DST: variants seen among roughly 807,000 people sequenced by gnomAD.
The protein encoded by DST is bullous pemphigoid antigen.
In DST, 253 loss-of-function variants were observed where a neutral mutation model predicts 875.2. The ratio of observed to expected loss-of-function variants is 0.29; its 90% CI spans 0.26 to 0.32. The LOEUF (loss-of-function observed/expected upper bound fraction) is 0.32. Ranked by LOEUF, DST falls within the 10% of genes least tolerant of loss-of-function variation. The pLI is 1.00. For synonymous variants in DST, 3,124 were observed against 3,197.1 expected (o/e 0.98, Z 0.77); for missense variants, 8,287 against 9,111.6 (o/e 0.91, Z 3.68).
chr6:56,476,128 T>G, intron 92 of DST, 21 bp downstream of exon 92: 3 of 1,565,216 alleles, frequency 1.9e-6, no homozygotes, highest in Non-Finnish European at 1.7e-6. Context: ...TTAACAGGAG[T>G]TAGGATTATA....
intron 44 of DST, 50 bp downstream of exon 44, chr6:56,601,393 T>G: frequency 7.9e-7 from 1 of 1,258,498 alleles, no homozygotes; most frequent in Non-Finnish European, 1.1e-6. Context: ...ATCTACATTA[T>G]GGTTTCACAC....
chr6:56,777,807 C>T (rs2099682124), intron 4 of DST, among the ~76,000 whole-genome samples: 2 of 151,862 alleles, frequency 1.3e-5, no homozygotes, highest in Admixed American at 1.3e-4. Flanking sequence ...AAGCCATCCT[C>T]CCACCTCACT....
chr6:56,768,862 A>T (rs2099641583), intron 4 of DST, among the ~76,000 whole-genome samples: 1 of 152,100 alleles, frequency 6.6e-6, no homozygotes, highest in Non-Finnish European at 1.5e-5. Flanking sequence ...AGAGGTCAGG[A>T]GATCAAGACC....
At chr6:56,867,560 G>A (rs1427067900) in intron 3 of DST, among the ~76,000 whole-genome samples, 1 of 152,198 alleles carries the variant, frequency 6.6e-6, no homozygotes, top group Non-Finnish European at 1.5e-5. Context: ...GGAGGCTCAT[G>A]CCTGTAATCC....
chr6:56,786,651 G>T (rs1367206808), intron 4 of DST, among the ~76,000 whole-genome samples: 8 of 152,158 alleles, frequency 5.3e-5, no homozygotes, highest in Non-Finnish European at 5.9e-5. Flanking sequence ...TCTTGCCTCA[G>T]CCTCCCAAGT....
intron 4 of DST, among the ~76,000 whole-genome samples, chr6:56,749,387 GC>G (rs2099581271): frequency 6.6e-6 from 1 of 152,032 alleles, no homozygotes; most frequent in East Asian, 1.9e-4. Flanking sequence ...GGGAGCTCTT[GC>G]CTTTCTCTGA....
chr6:56,615,359 C>A, intron 36 of DST: 1 of 1,473,860 alleles, frequency 6.8e-7, no homozygotes. Context: ...CAATTTAAAA[C>A]TTACTCTATT....
chr6:56,730,048 G>C (rs1174769293), intron 5 of DST, among the ~76,000 whole-genome samples: 1 of 151,954 alleles, frequency 6.6e-6, no homozygotes, highest in Non-Finnish European at 1.5e-5. Context: ...TTTACAAAAA[G>C]AAAAAATATT....
At chr6:56,879,344 G>A (rs750125966) in intron 3 of DST, among the ~76,000 whole-genome samples, 1 of 152,094 alleles carries the variant, frequency 6.6e-6, no homozygotes, top group African/African-American at 2.4e-5. Flanking sequence ...GGTGGCAGGC[G>A]CCTGTAGTCC....
At chr6:56,470,308 T>A (rs1453483524) in intron 95 of DST, 26 bp from the exon 96 acceptor site, 1 of 1,556,204 alleles carries the variant, frequency 6.4e-7, no homozygotes. Flanking sequence ...CAATGGTAAG[T>A]AGTGACTTGT....
At chr6:56,737,443 C>T (rs1366516761) in intron 4 of DST, among the ~76,000 whole-genome samples, 1 of 152,172 alleles carries the variant, frequency 6.6e-6, no homozygotes, top group Non-Finnish European at 1.5e-5. Flanking sequence ...GTCACATACA[C>T]CTATTTAAGT....
chr6:56,794,723 A>C (rs1374734465), intron 4 of DST, among the ~76,000 whole-genome samples: 1 of 152,210 alleles, frequency 6.6e-6, no homozygotes, highest in Non-Finnish European at 1.5e-5. Flanking sequence ...CAGGGGCTCT[A>C]ATCAGCATGA....
Position 56,604,286 on chromosome 6 carries a change from T to C in DST, c.10342A>G (p.Ile3448Val). 6.2e-7 allele frequency: 1 copy of C among 1,612,156 alleles called. No homozygotes were observed. The highest frequency in any genetic ancestry group is 8.5e-7 in the Non-Finnish European group (1 of 1,178,974). ...GNLKSELLLN[I>V]LKQDQHSQKI... ...TGGCTATGTTGATCTTGCTTCAATA[T>C]ATTAAGGAGAAGCTCAGACTTAAGA... The change falls in exon 40 of 104, where the codon ATA becomes GTA. Residue 3448 changes from isoleucine to valine, a missense_variant. Coordinates refer to ENST00000680361, the MANE Select transcript of DST (RefSeq NM_001374736.1).
At chr6:56,784,623 C>T (rs535439138) in intron 4 of DST, among the ~76,000 whole-genome samples, 3 of 152,282 alleles carry the variant, frequency 2.0e-5, no homozygotes, top group East Asian at 1.9e-4. Context: ...GTTATATATT[C>T]GTCTAAAGTT....
intron 49 of DST, among the ~76,000 whole-genome samples, chr6:56,582,499 A>G (rs967755445): frequency 9.9e-5 from 15 of 152,108 alleles, no homozygotes; most frequent in African/African-American, 3.6e-4. Flanking sequence ...AGGCTTCCCC[A>G]GAAGCTGAGT....
chr6:56,529,026 T>C (rs1047716534), intron 66 of DST, 101 bp from the exon 67 acceptor site: 10 of 779,018 alleles, frequency 1.3e-5, no homozygotes, highest in African/African-American at 1.0e-4. Flanking sequence ...CACAGAGACA[T>C]ATTTGAGTAA....
rs750497278 is a variant in DST, at chr6:56,636,343, T to C, written c.3060+214A>G. Among the ~76,000 whole-genome samples the C allele has an allele frequency of 4.6e-5, 7 of 150,588 alleles. 1 individual carries two copies. The highest frequency in any genetic ancestry group is 1.0e-4 in the Non-Finnish European group (7 of 67,622). On this transcript the variant is annotated intron_variant, in intron 23 of 103. Transcript: ENST00000680361. ...GTATATATGTGTATATATGTATATG[T>C]ATGTGTATATATATGTGTGTGTATA...
intron 5 of DST, among the ~76,000 whole-genome samples, chr6:56,715,342 A>G (rs2099391122): frequency 6.6e-6 from 1 of 152,246 alleles, no homozygotes; most frequent in Non-Finnish European, 1.5e-5. Context: ...CACATTGAAG[A>G]GAAATGTCCA....
chr6:56,603,822 T>C lies in DST; in HGVS notation c.10791+15A>G, dbSNP rs778311174. 5 of 1,602,000 alleles carry C rather than the reference T, an allele frequency of 3.1e-6. No individual in the cohort carries two copies. Among genetic ancestry groups the C allele is most frequent in the Admixed American group, 3.5e-5 (2 of 57,612 alleles). On this transcript the variant is annotated intron_variant, in intron 40 of 103. Transcript: ENST00000680361. ...CATGCAGCTTTTTCTGTATAAAATG[T>C]ATAGGTCAACTTACTTGTTCGGTTG...
Sources: allele counts gnomAD v4.1 joint callset (sites outside exome capture counted in the v4.1 genomes callset), GRCh38; gene constraint gnomAD v4.1.1; transcripts MANE v1.5; gene names NCBI Gene and HGNC (gene_info 2026-07-23, HGNC 2026-07-21).